The following TAFA5 variants were observed in gnomAD, a reference collection of about 807,000 sequenced individuals.
The protein encoded by TAFA5 is chemokine-like protein TAFA-5.
A neutral mutation model predicts 15.3 loss-of-function variants in TAFA5; 6 were observed. The ratio of observed to expected loss-of-function variants is 0.39; its 90% CI spans 0.21 to 0.77. The LOEUF (loss-of-function observed/expected upper bound fraction) is 0.77. Ranked by LOEUF, TAFA5 falls within the 30% of genes least tolerant of loss-of-function variation. The pLI, the probability that TAFA5 is intolerant of heterozygous loss-of-function variation, is 0.41. For synonymous variants in TAFA5, 103 were observed against 80.7 expected, an observed-to-expected ratio of 1.28 and a Z score of -1.48; for missense variants, 161 against 193.1, an observed-to-expected ratio of 0.83 and a Z score of 0.98.
chr22:48,651,069 G>T (rs1203662195), intron 2 of TAFA5, among the ~76,000 whole-genome samples: 1 of 152,240 alleles, frequency 6.6e-6, no homozygotes, highest in Non-Finnish European at 1.5e-5. Flanking sequence ...GCTGAAGCAA[G>T]GTCTTCCTTT....
At chr22:48,607,461 T>C (rs112684549) in intron 1 of TAFA5, among the ~76,000 whole-genome samples, 610 of 53,206 alleles carry the variant, frequency 0.011, 5 homozygotes, top group East Asian at 0.054. Context: ...GGTACCTCAG[T>C]CTGGAGCAGG....
At chr22:48,602,880 C>T (rs1569043157) in intron 1 of TAFA5, among the ~76,000 whole-genome samples, 1 of 152,150 alleles carries the variant, frequency 6.6e-6, no homozygotes, top group Non-Finnish European at 1.5e-5. Flanking sequence ...GCCATTGAGA[C>T]GTGCGGGGCT....
At chr22:48,611,520 G>A (rs1034406428) in intron 1 of TAFA5, among the ~76,000 whole-genome samples, 4 of 152,172 alleles carry the variant, frequency 2.6e-5, no homozygotes, top group Non-Finnish European at 4.4e-5. Flanking sequence ...TGCCTGGCGA[G>A]GGCTTTTGGG....
intron 2 of TAFA5, among the ~76,000 whole-genome samples, chr22:48,687,184 T>C (rs1601672167): frequency 1.3e-5 from 2 of 150,084 alleles, no homozygotes; most frequent in East Asian, 4.0e-4. Flanking sequence ...ATGAGTGGAT[T>C]GATGGATGGG....
At chr22:48,664,311 A>G (rs1232952318) in intron 2 of TAFA5, among the ~76,000 whole-genome samples, 4 of 152,124 alleles carry the variant, frequency 2.6e-5, no homozygotes, top group African/African-American at 9.7e-5. Context: ...TGATGTAAGG[A>G]AAGTCCCCCA....
At chr22:48,521,661 C>T (rs1176999578) in intron 1 of TAFA5, among the ~76,000 whole-genome samples, 2 of 152,202 alleles carry the variant, frequency 1.3e-5, no homozygotes, top group East Asian at 1.9e-4. Context: ...GCACGGGAGA[C>T]GGAGGATGCG....
chr22:48,686,072 G>A (rs550353247), intron 2 of TAFA5, among the ~76,000 whole-genome samples: 79 of 152,290 alleles, frequency 5.2e-4, no homozygotes, highest in African/African-American at 1.7e-3. Flanking sequence ...GGGGTGCTGA[G>A]TGGGGTCAGC....
chr22:48,568,497 C>G (rs540732164), intron 1 of TAFA5, among the ~76,000 whole-genome samples: 18 of 152,332 alleles, frequency 1.2e-4, no homozygotes, highest in African/African-American at 4.1e-4. Context: ...TGGGACATCT[C>G]TCGGAGATCC....
intron 1 of TAFA5, among the ~76,000 whole-genome samples, chr22:48,599,885 C>A (rs1241966789): frequency 6.6e-6 from 1 of 152,226 alleles, no homozygotes; most frequent in Non-Finnish European, 1.5e-5. Context: ...CTGGGCATCT[C>A]TGCTTGAGGG....
At chr22:48,539,606 A>C (rs929528343) in intron 1 of TAFA5, among the ~76,000 whole-genome samples, 1 of 152,168 alleles carries the variant, frequency 6.6e-6, no homozygotes, top group Admixed American at 6.5e-5. Flanking sequence ...AGGACGAGGA[A>C]GGTATGCTGT....
chr22:48,502,426 C>T (rs1387073935), intron 1 of TAFA5, among the ~76,000 whole-genome samples: 1 of 141,608 alleles, frequency 7.1e-6, no homozygotes, highest in Admixed American at 6.9e-5. Context: ...GTACTTTTGT[C>T]TTAGGCTTTT....
intron 1 of TAFA5, among the ~76,000 whole-genome samples, chr22:48,644,586 G>A (rs1926798909): frequency 6.6e-6 from 1 of 152,214 alleles, no homozygotes; most frequent in Admixed American, 6.5e-5. Flanking sequence ...GAGCTGGGCG[G>A]CCTCTCCAAG....
chr22:48,587,111 T>G (rs35883968), intron 1 of TAFA5, among the ~76,000 whole-genome samples: 3,202 of 152,270 alleles, frequency 0.021, 57 homozygotes, highest in East Asian at 0.11. Flanking sequence ...TCTTCATGCT[T>G]TGGGTGTGGA....
intron 2 of TAFA5, among the ~76,000 whole-genome samples, chr22:48,663,400 G>A (rs1348397414): frequency 1.3e-5 from 2 of 152,114 alleles, no homozygotes; most frequent in Non-Finnish European, 2.9e-5. Context: ...CTTCCCACTG[G>A]TGACGAGGGG....
chr22:48,508,337 C>T (rs1044485652), intron 1 of TAFA5, among the ~76,000 whole-genome samples: 16 of 152,226 alleles, frequency 1.1e-4, no homozygotes, highest in African/African-American at 2.7e-4. Flanking sequence ...GCTGCCGCCC[C>T]CCCAGAGCTG....
intron 3 of TAFA5, among the ~76,000 whole-genome samples, chr22:48,712,936 A>G (rs1929297337): frequency 6.6e-6 from 1 of 152,222 alleles, no homozygotes; most frequent in Non-Finnish European, 1.5e-5. Flanking sequence ...CTCTCCACAG[A>G]CGTTCCTTGG....
chr22:48,709,133 TGGCAGCCCAG>T (rs1929172885), intron 3 of TAFA5, among the ~76,000 whole-genome samples: 1 of 152,200 alleles, frequency 6.6e-6, no homozygotes, highest in East Asian at 1.9e-4. Flanking sequence ...TCAGCCTCGC[TGGCAGCCCAG>T]GGCCTCCCCA....
chr22:48,606,325 A>G (rs1314328053), intron 1 of TAFA5, among the ~76,000 whole-genome samples: 1 of 152,158 alleles, frequency 6.6e-6, no homozygotes, highest in Non-Finnish European at 1.5e-5. Context: ...CAGGTTTCAG[A>G]CTGAGTGGAT....
intron 3 of TAFA5, among the ~76,000 whole-genome samples, chr22:48,735,354 G>T (rs1929979729): frequency 6.6e-6 from 1 of 152,194 alleles, no homozygotes; most frequent in Admixed American, 6.5e-5. Context: ...CAGCTGGCCA[G>T]CGTGTCTCAT....
Sources: gnomAD v4.1 joint callset for allele counts (sites outside exome capture counted in the v4.1 genomes callset) on GRCh38, gnomAD v4.1.1 for gene constraint, MANE v1.5 for transcripts, NCBI Gene and HGNC (gene_info 2026-07-23, HGNC 2026-07-21) for gene names.